Variants in ACYP2 observed in about 807,000 individuals in gnomAD.
The protein encoded by ACYP2 is acylphosphatase 2.
In ACYP2, 12 loss-of-function variants were observed where a neutral mutation model predicts 11.2. The ratio of observed to expected loss-of-function variants is 1.08; its 90% CI spans 0.69 to 1.74. The LOEUF (loss-of-function observed/expected upper bound fraction) is 1.74. Ranked by LOEUF, ACYP2 falls within the 40% of genes most tolerant of loss-of-function variation. The pLI, the probability that ACYP2 is intolerant of heterozygous loss-of-function variation, is 0.00. For synonymous variants in ACYP2, 43 were observed against 32.2 expected (o/e 1.33, Z -1.13); for missense variants, 134 against 101.9 (o/e 1.31, Z -1.35).
chr2:54,091,941 G>C (rs1017106976), intron 4 of ACYP2, among the ~76,000 whole-genome samples: 1 of 152,146 alleles, frequency 6.6e-6, no homozygotes, highest in African/African-American at 2.4e-5. Context: ...GAAAGTGTTT[G>C]TAATAGTCCG....
At chr2:54,201,705 CT>C (rs1684841256) in intron 6 of ACYP2, among the ~76,000 whole-genome samples, 2 of 100,010 alleles carry the variant, frequency 2.0e-5, no homozygotes, top group Admixed American at 1.2e-4. Flanking sequence ...TCTCTTTTTT[CT>C]TTTCTTTTCT....
chr2:53,996,096 T>C (rs1017049593), intron 2 of ACYP2, among the ~76,000 whole-genome samples: 1 of 151,364 alleles, frequency 6.6e-6, no homozygotes, highest in Non-Finnish European at 1.5e-5. Context: ...ATTGTGCCAC[T>C]GCACTCCAGC....
intron 4 of ACYP2, among the ~76,000 whole-genome samples, chr2:54,112,077 C>T (rs1305960665): frequency 1.3e-5 from 2 of 152,170 alleles, no homozygotes; most frequent in South Asian, 2.1e-4. Flanking sequence ...AGATAATACA[C>T]ACATGTAAAT....
At chr2:54,275,349 C>G (rs1688504970) in intron 6 of ACYP2, among the ~76,000 whole-genome samples, 1 of 152,198 alleles carries the variant, frequency 6.6e-6, no homozygotes, top group African/African-American at 2.4e-5. Context: ...ATCTCACTAT[C>G]TTCTTCCCAA....
intron 6 of ACYP2, among the ~76,000 whole-genome samples, chr2:54,269,168 G>A (rs1339528883): frequency 6.6e-6 from 1 of 152,148 alleles, no homozygotes; most frequent in Non-Finnish European, 1.5e-5. Flanking sequence ...GGCTAGTCTT[G>A]AATTCTTGGC....
intron 6 of ACYP2, among the ~76,000 whole-genome samples, chr2:54,177,552 G>A (rs1275019607): frequency 2.2e-5 from 3 of 135,340 alleles, no homozygotes; most frequent in Admixed American, 2.1e-4. Context: ...CTATTTCCTG[G>A]CAGGACCAGG....
chr2:54,235,588 G>C (rs1186690256), intron 6 of ACYP2, among the ~76,000 whole-genome samples: 1 of 152,120 alleles, frequency 6.6e-6, no homozygotes, highest in Non-Finnish European at 1.5e-5. Flanking sequence ...CTAACCTCGT[G>C]ATCTGCCTGC....
At chr2:54,181,809 T>C (rs931246300) in intron 6 of ACYP2, among the ~76,000 whole-genome samples, 14 of 152,166 alleles carry the variant, frequency 9.2e-5, no homozygotes, top group African/African-American at 3.1e-4. Context: ...TTCTGTCCAC[T>C]GGTTCTCCTG....
chr2:54,093,163 T>G (rs1433086819), intron 4 of ACYP2, among the ~76,000 whole-genome samples: 1 of 152,154 alleles, frequency 6.6e-6, no homozygotes, highest in East Asian at 1.9e-4. Flanking sequence ...GAACCTAACC[T>G]AAGACATTAG....
intron 4 of ACYP2, among the ~76,000 whole-genome samples, chr2:54,102,820 C>G (rs928341325): frequency 4.6e-5 from 7 of 152,158 alleles, no homozygotes; most frequent in Admixed American, 4.6e-4. Flanking sequence ...GGCTTTCTCT[C>G]TTGCCTGTTG....
chr2:54,096,202 G>T (rs1227494621), intron 4 of ACYP2, among the ~76,000 whole-genome samples: 3 of 146,490 alleles, frequency 2.0e-5, no homozygotes, highest in Admixed American at 6.7e-5. Flanking sequence ...CAGACGGGGC[G>T]GCCGGGCAGA....
Position 53,989,664 on chromosome 2 carries a change from G to T in ACYP2, c.62+15854G>T, listed in dbSNP as rs1672194593. Reference sequence around the variant, plus strand: ...CTCTACTAACTCCCCTGACAGCCTTGTGACCCAGATTTAGCCACTATGTAC... The same window carrying T: ...CTCTACTAACTCCCCTGACAGCCTTTTGACCCAGATTTAGCCACTATGTAC... On this transcript the variant is annotated intron_variant, in intron 2 of 6. Coordinates refer to ENST00000607452, the MANE Select transcript of ACYP2 (RefSeq NM_001320586.2). Among the ~76,000 whole-genome samples, 4 of 152,174 alleles carry T rather than the reference G, an allele frequency of 2.6e-5. No homozygotes were observed. The South Asian group carries it at 8.3e-4, about 32-fold the overall frequency.
intron 2 of ACYP2, among the ~76,000 whole-genome samples, chr2:54,039,258 A>ATTT (rs112626580): frequency 1.5e-5 from 2 of 133,308 alleles, no homozygotes; most frequent in Non-Finnish European, 1.6e-5. Context: ...TCGTGCTTTA[A>ATTT]TTTTTTTTTT....
chr2:54,024,947 A>T (rs1191888543), intron 2 of ACYP2, among the ~76,000 whole-genome samples: 1 of 152,230 alleles, frequency 6.6e-6, no homozygotes, highest in Non-Finnish European at 1.5e-5. Context: ...AGCAACAGCA[A>T]CCAAGCTGAG....
intron 6 of ACYP2, among the ~76,000 whole-genome samples, chr2:54,234,292 G>C (rs1297583912): frequency 6.6e-6 from 1 of 152,168 alleles, no homozygotes; most frequent in African/African-American, 2.4e-5. Flanking sequence ...AAAATGCTTT[G>C]AGCATTCTCA....
At chr2:53,984,706 G>T (rs996982257) in intron 2 of ACYP2, among the ~76,000 whole-genome samples, 1 of 151,396 alleles carries the variant, frequency 6.6e-6, no homozygotes, top group Non-Finnish European at 1.5e-5. Context: ...TTTATTGCAG[G>T]TACACAGGGC....
At chr2:53,985,517 T>C (rs1358601161) in intron 2 of ACYP2, among the ~76,000 whole-genome samples, 1 of 152,164 alleles carries the variant, frequency 6.6e-6, no homozygotes, top group Non-Finnish European at 1.5e-5. Flanking sequence ...CTCCAAAAGA[T>C]ATCTACTTAA....
At position 54,213,405 on chromosome 2, in the gene ACYP2, G is replaced by A. The variant is rs117575635; in HGVS notation, c.404+74657G>A. ...GAATAGTACTGTGATAAACATATAC[G>A]TGCACGTGTCTTTATGGTAGAATGA... On this transcript the variant is annotated intron_variant, in intron 6 of 6. Transcript: ENST00000607452. Among the ~76,000 whole-genome samples the A allele has an allele frequency of 2.0e-3, 303 of 151,980 alleles. 9 individuals are homozygous for A. The East Asian group carries it at 0.039, about 20-fold the overall frequency.
intron 4 of ACYP2, among the ~76,000 whole-genome samples, chr2:54,115,988 G>T (rs1362155257): frequency 1.3e-5 from 2 of 152,090 alleles, no homozygotes; most frequent in South Asian, 2.1e-4. Flanking sequence ...GGAGAGGAGG[G>T]GTCAGGGGAC....
Sources: allele counts gnomAD v4.1 joint callset (sites outside exome capture counted in the v4.1 genomes callset), GRCh38; gene constraint gnomAD v4.1.1; transcripts MANE v1.5; gene names NCBI Gene and HGNC (gene_info 2026-07-23, HGNC 2026-07-21).